RNMT: variants seen among roughly 807,000 people sequenced by gnomAD.
RNMT encodes RNA guanine-7 methyltransferase, also known as mRNA cap guanine-N(7) methyltransferase.
In RNMT, 27 loss-of-function variants were observed where a neutral mutation model predicts 56.0. That is an observed-to-expected ratio of 0.48 (90% CI 0.36 to 0.67). RNMT has a LOEUF of 0.67. Among genes scored for constraint, RNMT ranks in the 30% least tolerant of loss-of-function variants. The probability of loss-of-function intolerance (pLI) is 0.00; values close to 1 mark genes in which losing one functional copy is unlikely to be tolerated. For synonymous variants in RNMT, 184 were observed against 176.2 expected (o/e 1.04, Z -0.35); for missense variants, 519 against 552.1 (o/e 0.94, Z 0.60).
chr18:13,757,196 C>G (rs912109703), intron 11 of RNMT, among the ~76,000 whole-genome samples: 5 of 152,132 alleles, frequency 3.3e-5, no homozygotes, highest in African/African-American at 1.2e-4. Flanking sequence ...GAATCTGAAT[C>G]TTTTCTGCTT....
Position 13,731,639 on chromosome 18 carries a change from C to G in RNMT, c.122C>G (p.Thr41Ser). 3 of 1,614,076 alleles carry G rather than the reference C, an allele frequency of 1.9e-6. No homozygotes were observed. Among genetic ancestry groups the G allele is most frequent in the Non-Finnish European group, 2.5e-6 (3 of 1,180,004 alleles). The change falls in exon 3 of 12, where the codon ACT (threonine) becomes AGT (serine). Residue 41 changes from threonine (T) to serine (S), a missense_variant. By Grantham distance (58) the Thr-to-Ser change is moderately conservative. Transcript: ENST00000383314. The part of the protein sequence containing the change: ...NINENTTASG[T>S]GLSEKTSVCR... ...AATGAAAACACAACAGCTTCTGGGACTGGGCTTTCTGAAAAGACTTCTGTC... is the reference window on the plus strand; with the variant it reads ...AATGAAAACACAACAGCTTCTGGGAGTGGGCTTTCTGAAAAGACTTCTGTC...
intron 1 of RNMT, among the ~76,000 whole-genome samples, chr18:13,728,300 C>CTTTTTT (rs1204415985): frequency 1.0e-4 from 11 of 109,638 alleles, no homozygotes; most frequent in African/African-American, 1.8e-4. Flanking sequence ...TCATCAGCAT[C>CTTTTTT]TTTTTTTTTT....
At position 13,734,552 on chromosome 18, in the gene RNMT, T is replaced by C. The variant is rs2044128128; in HGVS notation, c.506T>C (p.Ile169Thr). The C allele has an allele frequency of 6.2e-7, 1 of 1,613,342 alleles. No homozygotes were observed. Among genetic ancestry groups the C allele is most frequent in the Non-Finnish European group, 8.5e-7 (1 of 1,179,554 alleles). The change falls in exon 4 of 12, where the codon ATT (isoleucine) becomes ACT (threonine). Residue 169 changes from isoleucine (I) to threonine (T), a missense_variant. Transcript: ENST00000383314. ...TTGGAGAAGCGTAGTCAAAGTCGTA[T>C]TTTTTACCTAAGAAACTTTAATAAT... is the stretch of plus-strand genomic sequence containing the variant. ...VGLEKRSQSRIFYLRNFNNWM... is the reference protein window; with the variant it reads ...VGLEKRSQSRTFYLRNFNNWM...
intron 7 of RNMT, 26 bp downstream of exon 7, chr18:13,741,717 T>C (rs1437829454): frequency 1.8e-5 from 27 of 1,473,098 alleles, no homozygotes; most frequent in Non-Finnish European, 2.5e-5. Flanking sequence ...TATATTGTGG[T>C]TTATAAAATA....
chr18:13,757,992 G>A (rs909548880), intron 11 of RNMT, among the ~76,000 whole-genome samples: 1 of 152,152 alleles, frequency 6.6e-6, no homozygotes, highest in Non-Finnish European at 1.5e-5. Flanking sequence ...CAGACCTCCT[G>A]GGTGACCAGG....
At chr18:13,734,673 T>C in intron 4 of RNMT, 74 bp downstream of exon 4, 1 of 1,318,246 alleles carries the variant, frequency 7.6e-7, no homozygotes, top group South Asian at 1.6e-5. Flanking sequence ...TTTATAAAGC[T>C]AGAGCCAAGA....
At chr18:13,740,089 G>T in intron 5 of RNMT, 78 bp from the exon 6 acceptor site, 1 of 857,602 alleles carries the variant, frequency 1.2e-6, no homozygotes, top group South Asian at 1.5e-5. Context: ...TTTTATGCCA[G>T]AGTTTGTCAG....
At chr18:13,748,530 G>T (rs1296729189) in intron 9 of RNMT, among the ~76,000 whole-genome samples, 1 of 152,144 alleles carries the variant, frequency 6.6e-6, no homozygotes, top group Non-Finnish European at 1.5e-5. Flanking sequence ...AGGTTTAAAT[G>T]GATCTGTTTC....
chr18:13,745,675 T>C (rs574268705), intron 8 of RNMT, among the ~76,000 whole-genome samples: 17 of 149,406 alleles, frequency 1.1e-4, no homozygotes, highest in African/African-American at 3.4e-4. Context: ...TACCGATAGC[T>C]GGGGGGTGGA....
chr18:13,729,273 G>A (rs550311168), intron 1 of RNMT, among the ~76,000 whole-genome samples: 8 of 152,200 alleles, frequency 5.3e-5, no homozygotes, highest in Admixed American at 3.3e-4. Flanking sequence ...GGTTTTAAAC[G>A]TTCTTACTTA....
chr18:13,757,896 A>G (rs1188769031), intron 11 of RNMT, among the ~76,000 whole-genome samples: 1 of 152,226 alleles, frequency 6.6e-6, no homozygotes, highest in Admixed American at 6.5e-5. Flanking sequence ...CTTAAAAATG[A>G]AAAGTACCCC....
chr18:13,757,620 G>C (rs753115590), intron 11 of RNMT, among the ~76,000 whole-genome samples: 1 of 152,136 alleles, frequency 6.6e-6, no homozygotes, highest in African/African-American at 2.4e-5. Context: ...TGGTTCTCTT[G>C]TTGTTGCCAT....
chr18:13,762,996 G>T lies in RNMT; in HGVS notation c.*3017G>T. The stretch of plus-strand genomic sequence containing the variant: ...TCTACCTCAGGCCTTGTGCATTTGG[G>T]TTATCTCAAGCCAGTCACCACAGAG... On this transcript the variant is annotated 3_prime_UTR_variant, in exon 12 of 12. Transcript: ENST00000383314. 1 of 440,620 alleles carries T rather than the reference G, an allele frequency of 2.3e-6. No homozygotes were observed. Among genetic ancestry groups the T allele is most frequent in the Non-Finnish European group, 4.6e-6 (1 of 218,330 alleles). The allele number at this position is 440,620 out of a possible 1,614,324, so 27.3% of individuals were successfully genotyped here.
chr18:13,744,858 C>T (rs2044326421), intron 8 of RNMT, among the ~76,000 whole-genome samples: 2 of 152,240 alleles, frequency 1.3e-5, no homozygotes, highest in East Asian at 1.9e-4. Context: ...CTCTTGTTGT[C>T]TACAGATACA....
chr18:13,731,560 CTT>C lies in RNMT; in HGVS notation c.44_45del (p.Leu15ArgfsTer10), dbSNP rs1298009954. On this transcript the variant is annotated frameshift_variant, in exon 3 of 12. Transcript: ENST00000383314. LOFTEE classifies it high-confidence loss of function. ...AGCAGAAGAATATGAAAAGATGTCT[CTT>C]GAACAGGCAAAAGCGTCAGTGAATT... ...AKAEEYEKMSLEQAKASVNSE... is the reference protein window; with the variant it reads ...AKAEEYEKMSXEQAKASVNSE... The C allele has an allele frequency of 1.9e-6, 3 of 1,609,350 alleles. No individual in the cohort carries two copies. The highest frequency in any genetic ancestry group is 2.5e-6 in the Non-Finnish European group (3 of 1,178,824).
intron 9 of RNMT, among the ~76,000 whole-genome samples, chr18:13,752,014 A>AATGTAATGTAATC (rs1440049896): frequency 6.6e-6 from 1 of 152,130 alleles, no homozygotes; most frequent in Non-Finnish European, 1.5e-5. Flanking sequence ...AGAAATACCT[A>AATGTAATGTAATC]ATGTAAATGA....
At chr18:13,752,501 G>A in intron 10 of RNMT, 74 bp downstream of exon 10, 1 of 905,990 alleles carries the variant, frequency 1.1e-6, no homozygotes, top group East Asian at 2.6e-5. Context: ...CATAGGAAAT[G>A]ATTTCACTTG....
chr18:13,752,356 G>A lies in RNMT; in HGVS notation c.1288G>A (p.Val430Ile). ...TCCTGCAAATGAGAGTTCTAAACTT[G>A]TCTCTGAGAAGGTGGATGACTATGA... ...PYPANESSKL[V>I]SEKVDDYEHA... The change falls in exon 10 of 12, where the codon GTC (valine) becomes ATC (isoleucine). Residue 430 changes from valine (V) to isoleucine (I), a missense_variant. Coordinates refer to ENST00000383314, the MANE Select transcript of RNMT (RefSeq NM_003799.3). 6.2e-7 allele frequency: 1 copy of A among 1,612,960 alleles called. No individual in the cohort carries two copies. The highest frequency in any genetic ancestry group is 8.5e-7 in the Non-Finnish European group (1 of 1,179,154).
chr18:13,735,056 CAG>C (rs1302406483), intron 4 of RNMT, among the ~76,000 whole-genome samples: 2 of 151,848 alleles, frequency 1.3e-5, no homozygotes, highest in African/African-American at 4.8e-5. Context: ...TGAAAGTGAA[CAG>C]AGAAAATATG....
Sources: allele counts gnomAD v4.1 joint callset (sites outside exome capture counted in the v4.1 genomes callset), GRCh38; gene constraint gnomAD v4.1.1; transcripts MANE v1.5; gene names NCBI Gene and HGNC (gene_info 2026-07-23, HGNC 2026-07-21).